The following PKNOX2 variants were observed in gnomAD, a reference collection of about 807,000 sequenced individuals.
The protein encoded by PKNOX2 is PBX/knotted 1 homeobox 2.
PKNOX2 carries 14 observed loss-of-function variants against 53.1 expected under a neutral mutation model. That is an observed-to-expected ratio of 0.26 (90% CI 0.17 to 0.41). The LOEUF is 0.41. Ranked by LOEUF, PKNOX2 falls within the 10% of genes least tolerant of loss-of-function variation. The pLI is 1.00. For synonymous variants in PKNOX2, 257 were observed against 242.8 expected (o/e 1.06, Z -0.54); for missense variants, 496 against 602.8 (o/e 0.82, Z 1.85).
chr11:125,282,873 C>T (rs963190605), intron 2 of PKNOX2, among the ~76,000 whole-genome samples: 14 of 152,168 alleles, frequency 9.2e-5, no homozygotes, highest in South Asian at 2.1e-4. Context: ...CATAGCCAGC[C>T]GGGCATGCTG....
chr11:125,202,443 T>A (rs2135407897), intron 1 of PKNOX2, among the ~76,000 whole-genome samples: 1 of 152,260 alleles, frequency 6.6e-6, no homozygotes, highest in Non-Finnish European at 1.5e-5. Flanking sequence ...TCAGACCCCA[T>A]ACCCTCCAGG....
chr11:125,384,388 A>G (rs1953473627), intron 5 of PKNOX2, among the ~76,000 whole-genome samples: 1 of 152,194 alleles, frequency 6.6e-6, no homozygotes, highest in Non-Finnish European at 1.5e-5. Context: ...GATCTCCAAG[A>G]TAAAATCCAT....
rs570838101 is a variant in PKNOX2, at chr11:125,198,686, T to G, written c.-201+33910T>G. ...CAATCGGTGGTCCCAACACTATAGA[T>G]CTGATCTATGGGCCCCTCAGACACG... On this transcript the variant is annotated intron_variant, in intron 1 of 12. Transcript: ENST00000298282. 7.6e-4 allele frequency among the ~76,000 whole-genome samples: 115 copies of G among 151,890 alleles called. 1 individual carries two copies. The highest frequency in any genetic ancestry group is 4.3e-4 in the Non-Finnish European group (29 of 67,928).
At chr11:125,338,997 T>C (rs1269105885) in intron 3 of PKNOX2, among the ~76,000 whole-genome samples, 1 of 152,172 alleles carries the variant, frequency 6.6e-6, no homozygotes, top group Non-Finnish European at 1.5e-5. Context: ...TTCCTAGTAT[T>C]CAAAGACTCT....
At chr11:125,263,664 CACAGA>C (rs1046448479) in intron 2 of PKNOX2, among the ~76,000 whole-genome samples, 3 of 152,256 alleles carry the variant, frequency 2.0e-5, no homozygotes, top group African/African-American at 4.8e-5. Context: ...GACTGGGCCC[CACAGA>C]ACGTGGCTAT....
chr11:125,384,434 T>C (rs111748894), intron 5 of PKNOX2, among the ~76,000 whole-genome samples: 1,630 of 152,180 alleles, frequency 0.011, 32 homozygotes, highest in African/African-American at 0.036. Flanking sequence ...GCCTGTAATC[T>C]CAGCACTTTG....
chr11:125,281,984 C>T (rs111732434), intron 2 of PKNOX2, among the ~76,000 whole-genome samples: 12 of 152,300 alleles, frequency 7.9e-5, no homozygotes, highest in East Asian at 7.7e-4. Context: ...TACTCAAATC[C>T]GGCTTATTTC....
At chr11:125,248,736 A>G (rs1035765221) in intron 2 of PKNOX2, among the ~76,000 whole-genome samples, 2 of 148,220 alleles carry the variant, frequency 1.3e-5, no homozygotes, top group Non-Finnish European at 3.0e-5. Context: ...TATAATATAT[A>G]CATTTTATAC....
chr11:125,222,502 C>A (rs1383451007), intron 1 of PKNOX2, among the ~76,000 whole-genome samples: 4 of 152,180 alleles, frequency 2.6e-5, no homozygotes, highest in Non-Finnish European at 5.9e-5. Flanking sequence ...GTCTGACTGG[C>A]TGGCCTCTGC....
intron 2 of PKNOX2, among the ~76,000 whole-genome samples, chr11:125,279,969 A>T (rs965191695): frequency 3.3e-5 from 5 of 151,842 alleles, no homozygotes; most frequent in Non-Finnish European, 7.4e-5. Context: ...TGGGGGATTA[A>T]CTCATTTTAT....
At chr11:125,317,091 A>C (rs1028364318) in intron 2 of PKNOX2, among the ~76,000 whole-genome samples, 1 of 152,260 alleles carries the variant, frequency 6.6e-6, no homozygotes, top group African/African-American at 2.4e-5. Flanking sequence ...TTCTTTGTTC[A>C]TCCATAAGAA....
chr11:125,280,291 C>G (rs1422171126), intron 2 of PKNOX2, among the ~76,000 whole-genome samples: 1 of 152,084 alleles, frequency 6.6e-6, no homozygotes, highest in Non-Finnish European at 1.5e-5. Context: ...GAACCTGCAC[C>G]CAGACTCCTG....
At chr11:125,334,900 A>G (rs11220025) in intron 3 of PKNOX2, among the ~76,000 whole-genome samples, 40,406 of 151,976 alleles carry the variant, frequency 0.27, 9,793 homozygotes, top group African/African-American at 0.65. Context: ...CACTGCGCCC[A>G]GACACTTAAG....
chr11:125,390,060 C>T (rs987691160), intron 6 of PKNOX2, among the ~76,000 whole-genome samples: 3 of 152,182 alleles, frequency 2.0e-5, no homozygotes, highest in African/African-American at 7.2e-5. Flanking sequence ...TCAGTCCGGG[C>T]TCTCTTTGCC....
chr11:125,358,125 A>C (rs1237690218), intron 4 of PKNOX2, among the ~76,000 whole-genome samples: 1 of 152,172 alleles, frequency 6.6e-6, no homozygotes, highest in Non-Finnish European at 1.5e-5. Context: ...CCTCACCCCA[A>C]CTTCATTCTT....
chr11:125,363,849 G>C (rs1952048173), intron 4 of PKNOX2, among the ~76,000 whole-genome samples: 1 of 151,772 alleles, frequency 6.6e-6, no homozygotes, highest in Non-Finnish European at 1.5e-5. Context: ...TGCTCTCTGG[G>C]AGTGGGGGTG....
Position 125,385,698 on chromosome 11 carries a change from C to T in PKNOX2, c.375C>T (p.Ser125=), listed in dbSNP as rs371925603. ...AACAGGAGCACAAACCCTTCTTCAG[C>T]GATGACCCAGAACTGGACAATCTGG... ...QQEQEHKPFF[S]DDPELDNLMV... The change falls in exon 6 of 13, where the codon AGC becomes AGT. Residue 125 remains serine, a synonymous_variant. Coordinates refer to ENST00000298282, the MANE Select transcript of PKNOX2 (RefSeq NM_001382323.2). 8 of 1,613,552 alleles carry T rather than the reference C, an allele frequency of 5.0e-6. No individual in the cohort carries two copies. The highest frequency in any genetic ancestry group is 4.5e-5 in the East Asian group (2 of 44,842).
At chr11:125,199,185 G>A (rs1938142734) in intron 1 of PKNOX2, among the ~76,000 whole-genome samples, 1 of 151,888 alleles carries the variant, frequency 6.6e-6, no homozygotes. Flanking sequence ...CTCACCTGTT[G>A]CCCCAGCCCA....
chr11:125,166,781 G>A lies in PKNOX2; in HGVS notation c.-201+2005G>A, dbSNP rs1398267627. On this transcript the variant is annotated intron_variant, in intron 1 of 12. Transcript: ENST00000298282. The surrounding 1 kb of genome is among the most constrained non-coding windows in gnomAD (Gnocchi z 4.0). The stretch of plus-strand genomic sequence containing the variant: ...CAAACCCGGCCTTTGGTGCGCCCGG[G>A]GGAGGAGGAAGCTTGGAGTGCCCTA... Among the ~76,000 whole-genome samples, 7 of 152,236 alleles carry A rather than the reference G, an allele frequency of 4.6e-5. No homozygotes were observed. Among genetic ancestry groups the A allele is most frequent in the Admixed American group, 4.6e-4 (7 of 15,288 alleles).
Sources: allele counts gnomAD v4.1 joint callset (sites outside exome capture counted in the v4.1 genomes callset), GRCh38; gene constraint gnomAD v4.1.1; non-coding constraint Gnocchi (gnomAD v3.1); transcripts MANE v1.5; gene names NCBI Gene and HGNC (gene_info 2026-07-23, HGNC 2026-07-21).